Variants in TNFRSF8 observed in about 807,000 individuals in gnomAD.
TNFRSF8 encodes tumor necrosis factor receptor superfamily member 8.
Under a neutral mutation model 70.8 loss-of-function variants are expected in TNFRSF8, and 26 were observed. The ratio of observed to expected loss-of-function variants is 0.37; its 90% CI spans 0.27 to 0.51. TNFRSF8 has a LOEUF of 0.51. TNFRSF8 is among the 20% of genes least tolerant of loss of function. The pLI is 0.94. For synonymous variants in TNFRSF8, 356 were observed against 339.2 expected, an observed-to-expected ratio of 1.05 and a Z score of -0.54; for missense variants, 720 against 807.9, an observed-to-expected ratio of 0.89 and a Z score of 1.32.
chr1:12,087,469 A>C (rs1259430552), intron 2 of TNFRSF8, among the ~76,000 whole-genome samples: 1 of 152,092 alleles, frequency 6.6e-6, no homozygotes, highest in Admixed American at 6.5e-5. Flanking sequence ...TGCCAGGCCT[A>C]GTTTCTGGGC....
At chr1:12,123,894 G>A (rs1174101710) in intron 10 of TNFRSF8, 67 bp downstream of exon 10, 1 of 1,392,726 alleles carries the variant, frequency 7.2e-7, no homozygotes, top group Non-Finnish European at 9.9e-7. Context: ...TGTGGATTGG[G>A]GGAGCCAGGA....
At chr1:12,102,136 C>T (rs1164450790) in intron 3 of TNFRSF8, among the ~76,000 whole-genome samples, 1 of 152,088 alleles carries the variant, frequency 6.6e-6, no homozygotes, top group Admixed American at 6.6e-5. Flanking sequence ...GCTCCTCTTC[C>T]TTGGCGCTGG....
At chr1:12,080,278 C>T in intron 1 of TNFRSF8, 1 of 522,594 alleles carries the variant, frequency 1.9e-6, no homozygotes, top group South Asian at 1.4e-5. Flanking sequence ...TGGCAACATC[C>T]AAAGCATTGT....
intron 2 of TNFRSF8, among the ~76,000 whole-genome samples, chr1:12,096,404 T>A (rs1641330917): frequency 6.8e-6 from 1 of 147,472 alleles, no homozygotes; most frequent in Non-Finnish European, 1.5e-5. Context: ...GGATAGTGTT[T>A]TAGCTTATAG....
In TNFRSF8 at chr1:12,110,225, T is replaced by C; in HGVS notation, c.676+21T>C. ...TCCAGGTAATTTCCCCATGAAGCTG[T>C]GGGTCGTCTCCCTGGGGTGCTCGAT... On this transcript the variant is annotated intron_variant, in intron 6 of 14. Transcript: ENST00000263932. This position sits in a 1 kb window ranked among gnomAD's most constrained non-coding sequence, Gnocchi z 4.0. The C allele has an allele frequency of 6.4e-7, 1 of 1,563,794 alleles. No homozygotes were observed. Among genetic ancestry groups the C allele is most frequent in the Non-Finnish European group, 8.7e-7 (1 of 1,152,544 alleles).
At chr1:12,111,862 C>T (rs774425073) in intron 6 of TNFRSF8, 36 bp from the exon 7 acceptor site, 83 of 1,589,396 alleles carry the variant, frequency 5.2e-5, no homozygotes, top group Admixed American at 1.0e-4. Flanking sequence ...TTTGCCAAGG[C>T]GGCCTGGCCT....
chr1:12,076,083 ATTCTTTTTTTT>A lies in TNFRSF8; in HGVS notation c.64-8372_64-8362del, dbSNP rs1368312192. On this transcript the variant is annotated intron_variant, in intron 1 of 14. Coordinates refer to ENST00000263932, the MANE Select transcript of TNFRSF8 (RefSeq NM_001243.5). Reference sequence around the variant, plus strand: ...TTGGCCAGAAGGCCTTCTTGGTTTTATTCTTTTTTTTTTCTTTTTCTTTTTTTTTTTTTTGA... The same window carrying A: ...TTGGCCAGAAGGCCTTCTTGGTTTTATTCTTTTTCTTTTTTTTTTTTTTGA... Among the ~76,000 whole-genome samples, 12 of 117,480 alleles carry A rather than the reference ATTCTTTTTTTT, an allele frequency of 1.0e-4. No homozygotes were observed. The East Asian group carries it at 2.5e-3, about 25-fold the overall frequency. 77.1% of individuals were successfully genotyped at this position (117,480 alleles called of 152,430 possible). A position where few individuals can be genotyped will look rare whatever the true frequency, so the allele number is the denominator to read the frequency against.
chr1:12,100,145 G>A (rs1005626070), intron 3 of TNFRSF8, among the ~76,000 whole-genome samples: 11 of 152,042 alleles, frequency 7.2e-5, no homozygotes, highest in African/African-American at 2.7e-4. Context: ...CTCCAGCCTG[G>A]GTGATAGAGT....
At chr1:12,116,813 A>G (rs1641739830) in intron 8 of TNFRSF8, among the ~76,000 whole-genome samples, 1 of 152,018 alleles carries the variant, frequency 6.6e-6, no homozygotes, top group Admixed American at 6.6e-5. Flanking sequence ...AAGAAAAAAA[A>G]CCAAGTGGAG....
intron 8 of TNFRSF8, among the ~76,000 whole-genome samples, chr1:12,121,587 CTG>C (rs1289331828): frequency 1.3e-5 from 2 of 152,218 alleles, no homozygotes; most frequent in Non-Finnish European, 1.5e-5. Context: ...CTCGCCATCT[CTG>C]TTTCCTGGCT....
intron 2 of TNFRSF8, among the ~76,000 whole-genome samples, chr1:12,095,494 G>A (rs1039982584): frequency 1.3e-5 from 2 of 152,142 alleles, no homozygotes; most frequent in Admixed American, 6.5e-5. Flanking sequence ...CACCACGTTG[G>A]CCAGGCTGGT....
intron 14 of TNFRSF8, among the ~76,000 whole-genome samples, chr1:12,139,425 C>T (rs555707155): frequency 6.6e-6 from 1 of 152,304 alleles, no homozygotes; most frequent in East Asian, 1.9e-4. Context: ...TCTGGATATC[C>T]TGGGGACCCT....
At chr1:12,128,028 A>G (rs1167741763) in intron 12 of TNFRSF8, among the ~76,000 whole-genome samples, 2 of 152,196 alleles carry the variant, frequency 1.3e-5, no homozygotes, top group South Asian at 4.1e-4. Context: ...AAGACAGGCA[A>G]GCTCACAGAG....
Position 12,109,778 on chromosome 1 carries a change from T to C in TNFRSF8, c.512+122T>C. The C allele has an allele frequency of 1.1e-6, 1 of 915,202 alleles. No individual in the cohort carries two copies. Among genetic ancestry groups the C allele is most frequent in the Non-Finnish European group, 1.7e-6 (1 of 592,040 alleles). 56.7% of individuals were successfully genotyped at this position (915,202 alleles called of 1,614,324 possible). On this transcript the variant is annotated intron_variant, in intron 5 of 14. Coordinates refer to ENST00000263932, the MANE Select transcript of TNFRSF8 (RefSeq NM_001243.5). This position sits in a 1 kb window ranked among gnomAD's most constrained non-coding sequence, Gnocchi z 4.4. ...GGTGTAAGCGGGATTCAGCCCATGG[T>C]GTCAGCACTTTGGGGTGCCTCTCTG...
intron 1 of TNFRSF8, among the ~76,000 whole-genome samples, chr1:12,067,531 A>G (rs1246691713): frequency 6.6e-6 from 1 of 152,130 alleles, no homozygotes; most frequent in Non-Finnish European, 1.5e-5. Flanking sequence ...TCTACTAAAA[A>G]TACAAAAATT....
Position 12,079,903 on chromosome 1 carries a change from CTTATCACTACTTTATTT to C in TNFRSF8, c.64-4541_64-4525del, listed in dbSNP as rs565936790. Among the ~76,000 whole-genome samples, 861 of 151,778 alleles carry C rather than the reference CTTATCACTACTTTATTT, an allele frequency of 5.7e-3. 3 individuals carry two copies. The highest frequency in any genetic ancestry group is 9.4e-3 in the Non-Finnish European group (638 of 67,932). On this transcript the variant is annotated intron_variant, in intron 1 of 14. Coordinates refer to ENST00000263932, the MANE Select transcript of TNFRSF8 (RefSeq NM_001243.5). ...TGTGTTCTCACTCTCTTTACATATA[CTTATCACTACTTTATTT>C]TTATCACTACTTTATTTTTTAATTC...
At chr1:12,084,628 G>A in intron 2 of TNFRSF8, 77 bp downstream of exon 2, 3 of 1,359,700 alleles carry the variant, frequency 2.2e-6, no homozygotes, top group East Asian at 2.4e-5. Flanking sequence ...GGATTGATGA[G>A]TGGGGAAATT....
chr1:12,117,344 A>G (rs1641750684), intron 8 of TNFRSF8, among the ~76,000 whole-genome samples: 1 of 152,076 alleles, frequency 6.6e-6, no homozygotes, highest in South Asian at 2.1e-4. Flanking sequence ...CCACCTCCCA[A>G]AGTGCTGGGA....
At chr1:12,090,714 T>C (rs891301857) in intron 2 of TNFRSF8, among the ~76,000 whole-genome samples, 21 of 152,322 alleles carry the variant, frequency 1.4e-4, no homozygotes, top group African/African-American at 4.6e-4. Context: ...GCTATCATCT[T>C]GCCCTCACAA....
Sources: gnomAD v4.1 joint callset for allele counts (sites outside exome capture counted in the v4.1 genomes callset) on GRCh38, gnomAD v4.1.1 for gene constraint, Gnocchi (gnomAD v3.1) non-coding constraint, MANE v1.5 for transcripts, NCBI Gene and HGNC (gene_info 2026-07-23, HGNC 2026-07-21) for gene names.